Variants in CD6 observed in about 807,000 individuals in gnomAD.
CD6 encodes CD6 molecule, also known as T-cell differentiation antigen CD6.
A neutral mutation model predicts 75.3 loss-of-function variants in CD6; 53 were observed. That is an observed-to-expected ratio of 0.70 (90% CI 0.56 to 0.88). The LOEUF (loss-of-function observed/expected upper bound fraction) is 0.88, where lower values mean the gene tolerates loss of function less well. Ranked by LOEUF, CD6 falls within the 40% of genes least tolerant of loss-of-function variation. The pLI, the probability that CD6 is intolerant of heterozygous loss-of-function variation, is 0.00. For synonymous variants in CD6, 359 were observed against 381.5 expected, an observed-to-expected ratio of 0.94 and a Z score of 0.69; for missense variants, 770 against 897.1, an observed-to-expected ratio of 0.86 and a Z score of 1.81.
intron 1 of CD6, among the ~76,000 whole-genome samples, chr11:60,978,472 A>G (rs911543063): frequency 3.3e-5 from 5 of 152,146 alleles, no homozygotes; most frequent in African/African-American, 1.2e-4. Flanking sequence ...GTGGGTGTGG[A>G]CTTTGAGAAC....
At position 60,971,921 on chromosome 11, in the gene CD6, C is replaced by T. The variant is rs1857197542; in HGVS notation, c.49+7C>T. 1 of 1,613,650 alleles carries T rather than the reference C, an allele frequency of 6.2e-7. No individual in the cohort carries two copies. The highest frequency in any genetic ancestry group is 8.5e-7 in the Non-Finnish European group (1 of 1,179,844). The stretch of plus-strand genomic sequence containing the variant: ...CTGACGGCAGCCCTCTCAGGTAGGC[C>T]CCCTTCCCTCATCTCCTGCCACTGG... On this transcript the variant is annotated splice_region_variant and intron_variant, in intron 1 of 12. Transcript: ENST00000313421.
At chr11:61,018,207 G>A in intron 11 of CD6, 82 bp from the exon 12 acceptor site, 1 of 1,344,216 alleles carries the variant, frequency 7.4e-7, no homozygotes, top group Non-Finnish European at 1.0e-6. Flanking sequence ...TGGCTCTCGT[G>A]AGTCACGTGG....
At chr11:61,002,727 C>A (rs948781908) in intron 1 of CD6, among the ~76,000 whole-genome samples, 7 of 152,176 alleles carry the variant, frequency 4.6e-5, no homozygotes, top group African/African-American at 1.7e-4. Context: ...TCTTATAGTT[C>A]TGCAGGCTGG....
chr11:61,016,818 G>A (rs1859425896), intron 9 of CD6: 1 of 152,480 alleles, frequency 6.6e-6, no homozygotes, highest in South Asian at 2.1e-4. Flanking sequence ...CTAACCCAGG[G>A]CTTCTGGGGG....
rs1490606904 is a variant in CD6, at chr11:61,017,761, C to T, written c.1585C>T (p.Leu529Phe). Residue 529 changes from leucine to phenylalanine, a missense_variant and splice_region_variant, in exon 11 of 13, where the codon CTT becomes TTT. Coordinates refer to ENST00000313421, the MANE Select transcript of CD6 (RefSeq NM_006725.5). ...CCATTCTCCCTTTCCTGCCTTAGGA[C>T]TTGAAGAGTTGCATGCCTCCCACAT... Reference protein sequence around the residue: ...RFQMPPLEEGLEELHASHIPT... With the variant: ...RFQMPPLEEGFEELHASHIPT... 8.1e-6 allele frequency: 13 copies of T among 1,614,128 alleles called. No individual in the cohort carries two copies. The highest frequency in any genetic ancestry group is 1.1e-5 in the Non-Finnish European group (13 of 1,180,030).
intron 1 of CD6, among the ~76,000 whole-genome samples, chr11:60,987,730 T>A (rs151039602): frequency 8.1e-5 from 4 of 49,252 alleles, no homozygotes; most frequent in Non-Finnish European, 2.5e-4. Flanking sequence ...TCCATCGATT[T>A]CTTACCCCTG....
rs541677968 is a variant in CD6 at position 61,011,123 on chromosome 11, A to G, written c.1138A>G (p.Thr380Ala). 26 of 1,613,666 alleles carry G rather than the reference A, an allele frequency of 1.6e-5. No homozygotes were observed. The Middle Eastern group carries it at 9.9e-4, about 61-fold the overall frequency. ...STPEVPASVQ[T>A]VTIESSVTVK... ...TCCCGAAGTCCCTGCAAGTGTTCAG[A>G]CAGTCACTATAGGTAAGTGTTGCTG... The change falls in exon 6 of 13, where the codon ACA becomes GCA. Residue 380 changes from threonine (T) to alanine (A), a missense_variant. Transcript: ENST00000313421.
At chr11:60,999,524 A>G (rs1465254312) in intron 1 of CD6, among the ~76,000 whole-genome samples, 2 of 151,950 alleles carry the variant, frequency 1.3e-5, no homozygotes, top group Admixed American at 1.3e-4. Context: ...AGGGGAGAGT[A>G]CAACCATACT....
rs374739244 is a variant in CD6 at position 60,974,530 on chromosome 11, C to G, written c.49+2616C>G. 3.7e-4 allele frequency among the ~76,000 whole-genome samples: 57 copies of G among 152,320 alleles called. 1 individual carries two copies. In the South Asian group the frequency reaches 0.01, roughly 27 times the overall value. On this transcript the variant is annotated intron_variant, in intron 1 of 12. Transcript: ENST00000313421. Reference sequence around the variant, plus strand: ...AAAGTGCTGGGATTACAGGAGTGAGCCACCGCGCCCAGCCTCCTTCTTCCC... The same window carrying G: ...AAAGTGCTGGGATTACAGGAGTGAGGCACCGCGCCCAGCCTCCTTCTTCCC...
intron 1 of CD6, among the ~76,000 whole-genome samples, chr11:61,005,592 T>A (rs903512870): frequency 1.3e-5 from 2 of 152,180 alleles, no homozygotes; most frequent in Non-Finnish European, 2.9e-5. Flanking sequence ...CTTTTCCTAA[T>A]CTGTAAAATA....
intron 1 of CD6, among the ~76,000 whole-genome samples, chr11:61,002,407 T>A (rs1011219363): frequency 7.9e-5 from 12 of 151,838 alleles, no homozygotes; most frequent in South Asian, 4.2e-4. Flanking sequence ...TACAAAAAAA[T>A]TTAGCAGGGT....
chr11:61,017,593 C>T (rs1480983152), intron 10 of CD6, 43 bp downstream of exon 10: 2 of 1,557,698 alleles, frequency 1.3e-6, no homozygotes, highest in Non-Finnish European at 1.8e-6. Flanking sequence ...GTCCCACCTC[C>T]AGAGAGTAGC....
Position 61,011,096 on chromosome 11 carries a change from A to G in CD6, c.1111A>G (p.Thr371Ala), listed in dbSNP as rs753448654. ...SASRSLHNLSTPEVPASVQTV... is the reference protein window; with the variant it reads ...SASRSLHNLSAPEVPASVQTV... ...TTCCCGGAGTTTGCACAATCTGTCC[A>G]CTCCCGAAGTCCCTGCAAGTGTTCA... The change falls in exon 6 of 13, where the codon ACT becomes GCT. Residue 371 changes from threonine (T) to alanine (A), a missense_variant. Thr to Ala is a moderately conservative substitution (Grantham distance 58). Coordinates refer to ENST00000313421, the MANE Select transcript of CD6 (RefSeq NM_006725.5). 5.0e-6 allele frequency: 8 copies of G among 1,613,298 alleles called. No individual in the cohort carries two copies. The East Asian group carries it at 6.7e-5, about 13-fold the overall frequency.
intron 4 of CD6, 69 bp downstream of exon 4, chr11:61,008,914 C>A: frequency 7.4e-7 from 1 of 1,353,536 alleles, no homozygotes; most frequent in Non-Finnish European, 9.8e-7. Flanking sequence ...GGCGCCAAGC[C>A]TGGAGTTAGT....
In CD6 at chr11:61,013,477, TCATCCCCTC is replaced by T; in HGVS notation, c.1210_1218del (p.Pro404_Ile406del). ...AAGGAATCTCGGGAGCTAATGCTCC[TCATCCCCTC>T]CATCGTTCTGGGAATTCTCCTCCTT... is the stretch of plus-strand genomic sequence containing the variant. On this transcript the variant is annotated inframe_deletion, in exon 7 of 13. Transcript: ENST00000313421. The T allele has an allele frequency of 1.2e-6, 2 of 1,613,306 alleles. No individual in the cohort carries two copies. Among genetic ancestry groups the T allele is most frequent in the Non-Finnish European group, 1.7e-6 (2 of 1,179,202 alleles).
chr11:61,017,967 G>A lies in CD6; in HGVS notation c.1791G>A (p.Glu597=). Residue 597 remains glutamate, a synonymous_variant, in exon 11 of 13, where the codon GAG becomes GAA. Coordinates refer to ENST00000313421, the MANE Select transcript of CD6 (RefSeq NM_006725.5). ...CTTCAGAGAGGAGTTCCTTCCTGGA[G>A]CAGCCCCCAAACTTGGAGCTGGCCG... ...VFSSERSSFL[E]QPPNLELAGT... 1 of 1,613,182 alleles carries A rather than the reference G, an allele frequency of 6.2e-7. No homozygotes were observed. The highest frequency in any genetic ancestry group is 1.1e-5 in the South Asian group (1 of 91,058).
chr11:61,012,203 T>C (rs1859181738), intron 6 of CD6, among the ~76,000 whole-genome samples: 1 of 152,190 alleles, frequency 6.6e-6, no homozygotes, highest in South Asian at 2.1e-4. Flanking sequence ...CCGGGCAAGC[T>C]CCTGCCAGGC....
intron 1 of CD6, chr11:60,987,776 T>A (rs1218164884): frequency 6.6e-6 from 1 of 152,150 alleles, no homozygotes; most frequent in Non-Finnish European, 1.5e-5. Context: ...CCTTCCCAAT[T>A]GTCCCCTGTT....
chr11:61,007,733 G>T lies in CD6; in HGVS notation c.292G>T (p.Ala98Ser). 1.4e-6 allele frequency: 2 copies of T among 1,408,490 alleles called. No individual in the cohort carries two copies. Among genetic ancestry groups the T allele is most frequent in the Non-Finnish European group, 1.8e-6 (2 of 1,081,488 alleles). The allele number at this position is 1,408,490 out of a possible 1,614,324, so 87.2% of individuals were successfully genotyped here. A position where few individuals can be genotyped will look rare whatever the true frequency, so the allele number is the denominator to read the frequency against. Residue 98 changes from alanine to serine, a missense_variant, in exon 3 of 13, where the codon GCC becomes TCC. Transcript: ENST00000313421. This position sits in a 1 kb window ranked among gnomAD's most constrained non-coding sequence, Gnocchi z 4.2. ...CGGGGCGGAGGCCGCCTCTCAGCTC[G>T]CCCCGCCGACCCCTGAGCTGCCGCC... ...CGGAEAASQL[A>S]PPTPELPPPP...
Sources: gnomAD v4.1 joint callset for allele counts (sites outside exome capture counted in the v4.1 genomes callset) on GRCh38, gnomAD v4.1.1 for gene constraint, Gnocchi (gnomAD v3.1) non-coding constraint, MANE v1.5 for transcripts, NCBI Gene and HGNC (gene_info 2026-07-23, HGNC 2026-07-21) for gene names.